Variants in IMMP2L observed in about 807,000 individuals in gnomAD.
The protein encoded by IMMP2L is inner mitochondrial membrane peptidase subunit 2, also known as mitochondrial inner membrane protease subunit 2.
IMMP2L carries 18 observed loss-of-function variants against 19.3 expected under a neutral mutation model. That is an observed-to-expected ratio of 0.93 (90% CI 0.64 to 1.38). IMMP2L has a LOEUF of 1.38. IMMP2L is among the 40% of genes most tolerant of loss of function. The pLI, the probability that IMMP2L is intolerant of heterozygous loss-of-function variation, is 0.00. For missense variants in IMMP2L, 233 were observed against 218.2 expected (o/e 1.07, Z -0.43); for synonymous variants, 76 against 73.0 (o/e 1.04, Z -0.21).
intron 5 of IMMP2L, among the ~76,000 whole-genome samples, chr7:110,716,161 G>C (rs1795222253): frequency 6.6e-6 from 1 of 151,798 alleles, no homozygotes; most frequent in Non-Finnish European, 1.5e-5. Context: ...AGATCTGTCT[G>C]TCGTGCAAAT....
intron 5 of IMMP2L, among the ~76,000 whole-genome samples, chr7:110,775,806 TA>T (rs577262674): frequency 4.7e-5 from 7 of 147,744 alleles, no homozygotes; most frequent in African/African-American, 9.9e-5. Context: ...TTTTCTCCTC[TA>T]AAAAAAAAAC....
chr7:111,379,642 T>C (rs948951925), intron 3 of IMMP2L, among the ~76,000 whole-genome samples: 1 of 151,830 alleles, frequency 6.6e-6, no homozygotes, highest in African/African-American at 2.4e-5. Flanking sequence ...ATATTATTAA[T>C]AATGATACAT....
chr7:111,383,662 C>T (rs953905966), intron 3 of IMMP2L, among the ~76,000 whole-genome samples: 2 of 151,996 alleles, frequency 1.3e-5, no homozygotes, highest in African/African-American at 4.8e-5. Flanking sequence ...AGTCCAGAAT[C>T]CCAGAAGGCA....
intron 4 of IMMP2L, among the ~76,000 whole-genome samples, chr7:110,943,317 G>A (rs1163464821): frequency 6.6e-6 from 1 of 151,938 alleles, no homozygotes; most frequent in Non-Finnish European, 1.5e-5. Flanking sequence ...TGTTGAATAT[G>A]CACCTTGATA....
chr7:111,476,522 A>G (rs1841738225), intron 3 of IMMP2L, among the ~76,000 whole-genome samples: 2 of 152,188 alleles, frequency 1.3e-5, no homozygotes, highest in African/African-American at 4.8e-5. Flanking sequence ...TCTCAAAGAC[A>G]GAAGCCTAGT....
At chr7:111,534,799 T>C (rs1318679577) in intron 1 of IMMP2L, among the ~76,000 whole-genome samples, 3 of 152,138 alleles carry the variant, frequency 2.0e-5, no homozygotes, top group Non-Finnish European at 4.4e-5. Context: ...TCTCATTTGG[T>C]GGCTTCAAGA....
chr7:111,495,341 T>C (rs1301094309), intron 2 of IMMP2L, among the ~76,000 whole-genome samples: 2 of 152,140 alleles, frequency 1.3e-5, no homozygotes, highest in African/African-American at 2.4e-5. Flanking sequence ...AAGTACTATA[T>C]AGTTCACTCT....
chr7:111,048,406 G>A (rs550089745), intron 3 of IMMP2L, among the ~76,000 whole-genome samples: 57 of 152,102 alleles, frequency 3.7e-4, no homozygotes, highest in African/African-American at 1.4e-3. Flanking sequence ...TGCTTGGCTC[G>A]GTTACAATCC....
intron 3 of IMMP2L, among the ~76,000 whole-genome samples, chr7:111,128,894 C>A (rs1801578633): frequency 6.6e-6 from 1 of 152,004 alleles, no homozygotes; most frequent in Non-Finnish European, 1.5e-5. Flanking sequence ...GTTATGTGAC[C>A]CCTATTTCAA....
intron 3 of IMMP2L, among the ~76,000 whole-genome samples, chr7:110,999,082 C>G (rs1352765141): frequency 6.6e-6 from 1 of 152,132 alleles, no homozygotes; most frequent in African/African-American, 2.4e-5. Flanking sequence ...AATGCTCCAT[C>G]TTTTGGTGTC....
chr7:111,525,477 A>T (rs914492418), intron 1 of IMMP2L, among the ~76,000 whole-genome samples: 1 of 152,164 alleles, frequency 6.6e-6, no homozygotes, highest in Non-Finnish European at 1.5e-5. Context: ...ATTTTGAAAT[A>T]ATCATCTATC....
intron 5 of IMMP2L, among the ~76,000 whole-genome samples, chr7:110,701,714 C>T (rs1198523402): frequency 2.0e-5 from 3 of 151,828 alleles, no homozygotes; most frequent in East Asian, 1.9e-4. Flanking sequence ...TGTGAGCCAC[C>T]GTGCCCAGAC....
At chr7:111,538,559 G>A (rs2132905853) in intron 1 of IMMP2L, among the ~76,000 whole-genome samples, 1 of 151,290 alleles carries the variant, frequency 6.6e-6, no homozygotes, top group East Asian at 1.9e-4. Context: ...CAGCACTTTG[G>A]AGGCCAAGGC....
chr7:111,124,978 AAAAC>A (rs750950439), intron 3 of IMMP2L: 231 of 1,026,568 alleles, frequency 2.3e-4, no homozygotes, highest in African/African-American at 3.6e-4. Flanking sequence ...AAAACAAAAC[AAAAC>A]AAACAAACAA....
intron 3 of IMMP2L, among the ~76,000 whole-genome samples, chr7:111,250,698 C>T (rs189189510): frequency 8.3e-4 from 126 of 152,200 alleles, no homozygotes; most frequent in Non-Finnish European, 1.1e-3. Flanking sequence ...ACTGGCTAGC[C>T]ATATGCAGAA....
At chr7:111,121,687 C>T (rs1405078031) in intron 3 of IMMP2L, among the ~76,000 whole-genome samples, 1 of 152,106 alleles carries the variant, frequency 6.6e-6, no homozygotes, top group Non-Finnish European at 1.5e-5. Context: ...CCTCGGGGAT[C>T]TAGAACTAGA....
intron 5 of IMMP2L, among the ~76,000 whole-genome samples, chr7:110,699,739 GTC>G (rs559165362): frequency 8.9e-5 from 13 of 145,408 alleles, no homozygotes; most frequent in Non-Finnish European, 1.3e-4. Flanking sequence ...CTGCACTTCA[GTC>G]TGGGTGACTG....
At chr7:111,283,335 TACCTAGGAAAATGCAAGAAAGAA>T (rs1393795371) in intron 3 of IMMP2L, among the ~76,000 whole-genome samples, 1 of 152,118 alleles carries the variant, frequency 6.6e-6, no homozygotes, top group Non-Finnish European at 1.5e-5. Flanking sequence ...ACACTAATTC[TACCTAGGAAAATGCAAGAAAGAA>T]GAAAACTACA....
At chr7:111,526,615 A>G (rs1846885838) in intron 1 of IMMP2L, among the ~76,000 whole-genome samples, 1 of 152,210 alleles carries the variant, frequency 6.6e-6, no homozygotes, top group African/African-American at 2.4e-5. Context: ...AAGTAGTACA[A>G]ATAACACTGA....
Sources: allele counts gnomAD v4.1 joint callset (sites outside exome capture counted in the v4.1 genomes callset), GRCh38; gene constraint gnomAD v4.1.1; transcripts MANE v1.5; gene names NCBI Gene and HGNC (gene_info 2026-07-23, HGNC 2026-07-21).